ABCA12: variants seen among roughly 807,000 people sequenced by gnomAD.
ABCA12 encodes the protein ATP binding cassette subfamily A member 12.
Under a neutral mutation model 293.5 loss-of-function variants are expected in ABCA12, and 156 were observed. That is an observed-to-expected ratio of 0.53 (90% CI 0.47 to 0.61). ABCA12 has a LOEUF of 0.61. Among genes scored for constraint, ABCA12 ranks in the 20% least tolerant of loss-of-function variants. The probability of loss-of-function intolerance (pLI) is 0.00; values close to 1 mark genes in which losing one functional copy is unlikely to be tolerated. For synonymous variants in ABCA12, 1,063 were observed against 1,108.0 expected (o/e 0.96, Z 0.81); for missense variants, 2,797 against 3,090.2 (o/e 0.91, Z 2.25).
rs1699354979 is a variant in ABCA12, at chr2:214,970,188, G to A, written c.5690+85C>T. ...TTAACCATGTAAAATGTAAACAATA[G>A]AAATTTGTATCTATTGTCTCTTTAG... On this transcript the variant is annotated intron_variant, in intron 37 of 52. Coordinates refer to ENST00000272895, the MANE Select transcript of ABCA12 (RefSeq NM_173076.3). 5 of 1,361,384 alleles carry A rather than the reference G, an allele frequency of 3.7e-6. No individual in the cohort carries two copies. The South Asian group carries it at 7.3e-5, about 20-fold the overall frequency. 84.3% of individuals were successfully genotyped at this position (1,361,384 alleles called of 1,614,324 possible).
intron 2 of ABCA12, among the ~76,000 whole-genome samples, chr2:215,104,868 C>G (rs2106120882): frequency 6.6e-6 from 1 of 152,274 alleles, no homozygotes; most frequent in East Asian, 1.9e-4. Flanking sequence ...TATTCATTTT[C>G]TTTCCCCCAT....
intron 2 of ABCA12, among the ~76,000 whole-genome samples, chr2:215,086,973 G>T (rs1702053330): frequency 6.8e-6 from 1 of 146,330 alleles, no homozygotes; most frequent in Admixed American, 6.7e-5. Context: ...ACAGAGTGTG[G>T]CTCTTGTTGC....
rs945463149 is a variant in ABCA12, at chr2:214,931,597, G to A, written c.*1037C>T. On this transcript the variant is annotated 3_prime_UTR_variant, in exon 53 of 53. Transcript: ENST00000272895. ...TTTCGAGACAAACAGTCATGCCAAAGCTGACAAACTTGTATAGATACACAC... is the reference window on the plus strand; with the variant it reads ...TTTCGAGACAAACAGTCATGCCAAAACTGACAAACTTGTATAGATACACAC... 1.3e-5 allele frequency: 2 copies of A among 152,458 alleles called. No individual in the cohort carries two copies. Among genetic ancestry groups the A allele is most frequent in the African/African-American group, 4.8e-5 (2 of 41,410 alleles). 9.4% of individuals were successfully genotyped at this position (152,458 alleles called of 1,614,324 possible).
chr2:215,001,550 G>A lies in ABCA12; in HGVS notation c.2863+8C>T. The A allele has an allele frequency of 6.2e-7, 1 of 1,613,498 alleles. No individual in the cohort carries two copies. Among genetic ancestry groups the A allele is most frequent in the Non-Finnish European group, 8.5e-7 (1 of 1,179,616 alleles). ...GAGATGCTCAAACCCTAATAGAACA[G>A]CACTTACTTCCAAAGAGTTCGTTGC... On this transcript the variant is annotated splice_region_variant and intron_variant, in intron 21 of 52. Transcript: ENST00000272895.
At chr2:214,986,845 A>T (rs1699799336) in intron 27 of ABCA12, 117 bp from the exon 28 acceptor site, 1 of 952,098 alleles carries the variant, frequency 1.1e-6, no homozygotes, top group South Asian at 1.5e-5. Flanking sequence ...TAAGTAAAAT[A>T]AAAAATCCAG....
chr2:215,020,153 T>C (rs1700595371), intron 11 of ABCA12, among the ~76,000 whole-genome samples: 1 of 152,082 alleles, frequency 6.6e-6, no homozygotes, highest in Admixed American at 6.6e-5. Context: ...AAAAAGCAAG[T>C]TTGTTTTAGA....
chr2:215,099,044 T>C (rs1288692303), intron 2 of ABCA12, among the ~76,000 whole-genome samples: 1 of 152,246 alleles, frequency 6.6e-6, no homozygotes, highest in African/African-American at 2.4e-5. Context: ...TTCCCTTAAA[T>C]ATGAGTCAGG....
rs1703268553 is a variant in ABCA12 at position 215,138,020 on chromosome 2, C to T, written c.69+120G>A. On this transcript the variant is annotated intron_variant, in intron 1 of 52. Transcript: ENST00000272895. Reference sequence around the variant, plus strand: ...AGGGGGATGAATTCTAAATATCTTACTTCCTGCTTTGGAAAATGCCTTTAA... The same window carrying T: ...AGGGGGATGAATTCTAAATATCTTATTTCCTGCTTTGGAAAATGCCTTTAA... The T allele has an allele frequency of 2.9e-6, 3 of 1,037,378 alleles. No homozygotes were observed. The African/African-American group carries it at 4.7e-5, about 16-fold the overall frequency. The allele number at this position is 1,037,378 out of a possible 1,614,324, so 64.3% of individuals were successfully genotyped here. A position where few individuals can be genotyped will look rare whatever the true frequency, so the allele number is the denominator to read the frequency against.
intron 23 of ABCA12, among the ~76,000 whole-genome samples, chr2:214,991,853 C>T (rs143799113): frequency 2.4e-3 from 365 of 151,998 alleles, no homozygotes; most frequent in African/African-American, 8.5e-3. Context: ...TTTAAAGTCC[C>T]CTGGGAACAT....
rs775084826 is a variant in ABCA12, at chr2:214,951,071, T to C, written c.6660A>G (p.Arg2220=). ...CCCTTACATGTGAAGAATTAAATTTTCTGAAGAAAAGCCTAAAAATGGACC... is the reference window on the plus strand; with the variant it reads ...CCCTTACATGTGAAGAATTAAATTTCCTGAAGAAAAGCCTAAAAATGGACC... The part of the protein sequence containing the change: ...SLIKKLRLFF[R]KFNSSHVRET... The change falls in exon 45 of 53, where the codon AGA becomes AGG. Residue 2220 remains arginine, a synonymous_variant. Coordinates refer to ENST00000272895, the MANE Select transcript of ABCA12 (RefSeq NM_173076.3). The C allele has an allele frequency of 5.0e-6, 8 of 1,614,048 alleles. No individual in the cohort carries two copies. The highest frequency in any genetic ancestry group is 6.8e-6 in the Non-Finnish European group (8 of 1,179,986).
chr2:214,966,756 G>C, intron 39 of ABCA12, 92 bp downstream of exon 39: 1 of 1,155,626 alleles, frequency 8.7e-7, no homozygotes. Flanking sequence ...TAAAATACCT[G>C]CCACCTGTGA....
chr2:215,101,465 CATACTT>C (rs1198366408), intron 2 of ABCA12, among the ~76,000 whole-genome samples: 1 of 152,162 alleles, frequency 6.6e-6, no homozygotes, highest in Middle Eastern at 3.2e-3. Flanking sequence ...TTTCAGCAAA[CATACTT>C]AGATCATTTT....
At chr2:215,126,227 G>A (rs10182390) in intron 1 of ABCA12, among the ~76,000 whole-genome samples, 50,082 of 151,914 alleles carry the variant, frequency 0.33, 11,685 homozygotes, top group African/African-American at 0.66. Flanking sequence ...TAGCATCTAT[G>A]TTCATCAAGG....
At chr2:215,126,898 G>A (rs1207778133) in intron 1 of ABCA12, among the ~76,000 whole-genome samples, 1 of 151,882 alleles carries the variant, frequency 6.6e-6, no homozygotes, top group Non-Finnish European at 1.5e-5. Context: ...GTCAATTTGT[G>A]CTCTTTCAGT....
At chr2:214,980,248 A>G (rs977259246) in intron 31 of ABCA12, among the ~76,000 whole-genome samples, 1 of 152,130 alleles carries the variant, frequency 6.6e-6, no homozygotes, top group African/African-American at 2.4e-5. Context: ...TAAAAATATA[A>G]TACATTCTGC....
At chr2:215,059,516 C>T (rs1013588889) in intron 3 of ABCA12, among the ~76,000 whole-genome samples, 4 of 151,968 alleles carry the variant, frequency 2.6e-5, no homozygotes, top group Admixed American at 6.6e-5. Flanking sequence ...TCAGTTAAAA[C>T]ATTAAGATTT....
At chr2:214,974,066 G>A (rs1452790636) in intron 35 of ABCA12, 24 bp from the exon 36 acceptor site, 2 of 1,592,534 alleles carry the variant, frequency 1.3e-6, no homozygotes, top group African/African-American at 1.3e-5. Context: ...TGATATTGCT[G>A]TGAGGTGTGT....
chr2:214,997,596 T>C, intron 23 of ABCA12, 99 bp downstream of exon 23: 2 of 872,246 alleles, frequency 2.3e-6, no homozygotes, highest in South Asian at 3.2e-5. Flanking sequence ...TCACAAGGGA[T>C]AAGTTAGGCT....
intron 45 of ABCA12, 119 bp downstream of exon 45, chr2:214,950,760 C>T: frequency 8.9e-7 from 1 of 1,121,532 alleles, no homozygotes; most frequent in Non-Finnish European, 1.3e-6. Context: ...CCACCTCGGC[C>T]TCCCAAAGTG....
Sources: gnomAD v4.1 joint callset for allele counts (sites outside exome capture counted in the v4.1 genomes callset) on GRCh38, gnomAD v4.1.1 for gene constraint, MANE v1.5 for transcripts, NCBI Gene and HGNC (gene_info 2026-07-23, HGNC 2026-07-21) for gene names.